Variants in H2BC26 observed in about 807,000 individuals in gnomAD.
H2BC26 encodes the protein histone H2B type 3-B.
chr1:228,458,426 T>G, the H2BC26 span: 236 of 1,614,148 alleles, frequency 1.5e-4, no homozygotes, highest in Admixed American at 8.3e-4. Context: ...AGACGGCCGT[T>G]CGCCTGCTGC....
chr1:228,458,136 G>T, the H2BC26 span: 5 of 1,603,760 alleles, frequency 3.1e-6, no homozygotes, highest in Admixed American at 6.7e-5. Flanking sequence ...CATCATGCCA[G>T]ACCCGTCCAA....
At chr1:228,458,143 C>T in the H2BC26 span, 2 of 1,606,904 alleles carry the variant, frequency 1.2e-6, no homozygotes, top group Non-Finnish European at 1.7e-6. Flanking sequence ...CCAGACCCGT[C>T]CAAATCGGCT....
chr1:228,458,118 GACTC>G, the H2BC26 span: 1 of 1,575,152 alleles, frequency 6.3e-7, no homozygotes, highest in African/African-American at 1.4e-5. Flanking sequence ...TGTTTGGAGA[GACTC>G]AGCCATCATG....
At chr1:228,458,115 A>AT in the H2BC26 span, 6 of 1,566,290 alleles carry the variant, frequency 3.8e-6, no homozygotes, top group Non-Finnish European at 5.2e-6. Context: ...TTCTGTTTGG[A>AT]GAGACTCAGC....
chr1:228,458,157 G>A, the H2BC26 span: 100 of 1,610,632 alleles, frequency 6.2e-5, no homozygotes, highest in Non-Finnish European at 7.3e-5. Context: ...ATCGGCTCCT[G>A]CGCCCAAGAA....
chr1:228,458,297 G>T, the H2BC26 span: 1 of 1,614,206 alleles, frequency 6.2e-7, no homozygotes, highest in Admixed American at 1.7e-5. Context: ...CCGGCATCTC[G>T]TCCAAGGCCA....
chr1:228,458,460 G>A, the H2BC26 span: 1 of 1,614,066 alleles, frequency 6.2e-7, no homozygotes. Flanking sequence ...GGCCAAGCAC[G>A]CCGTGTCCGA....
At chr1:228,458,382 A>T in the H2BC26 span, 1 of 1,614,110 alleles carries the variant, frequency 6.2e-7, no homozygotes, top group South Asian at 1.1e-5. Context: ...GGCACACTAC[A>T]ACAAGCGCTC....
chr1:228,458,154 C>A, the H2BC26 span: 5 of 1,610,292 alleles, frequency 3.1e-6, no homozygotes, highest in South Asian at 5.5e-5. Flanking sequence ...CAAATCGGCT[C>A]CTGCGCCCAA....
chr1:228,458,106 T>G, the H2BC26 span: 1 of 1,553,502 alleles, frequency 6.4e-7, no homozygotes, highest in Non-Finnish European at 8.7e-7. Flanking sequence ...GCCGCGCGTT[T>G]CTGTTTGGAG....
the H2BC26 span, chr1:228,458,401 C>T: frequency 6.2e-7 from 1 of 1,614,244 alleles, no homozygotes; most frequent in Non-Finnish European, 8.5e-7. Context: ...TCCACCATCA[C>T]GTCCCGCGAA....
chr1:228,458,129 C>T, the H2BC26 span: 3 of 1,586,478 alleles, frequency 1.9e-6, no homozygotes, highest in South Asian at 1.1e-5. Flanking sequence ...ACTCAGCCAT[C>T]ATGCCAGACC....
Sources: allele counts gnomAD v4.1 joint callset, GRCh38; gene constraint gnomAD v4.1.1; transcripts MANE v1.5; gene names NCBI Gene and HGNC (gene_info 2026-07-23, HGNC 2026-07-21).